Variants in TAMM41 observed in about 807,000 individuals in gnomAD.
TAMM41 encodes phosphatidate cytidylyltransferase, mitochondrial.
In TAMM41, 36 loss-of-function variants were observed where a neutral mutation model predicts 44.1. That is an observed-to-expected ratio of 0.82 (90% CI 0.63 to 1.08). The LOEUF (loss-of-function observed/expected upper bound fraction) is 1.08, where lower values mean the gene tolerates loss of function less well. Among genes scored for constraint, TAMM41 ranks in the 50% least tolerant of loss-of-function variants. TAMM41 has a pLI of 0.00. For missense variants in TAMM41, 417 were observed against 404.3 expected (o/e 1.03, Z -0.27); for synonymous variants, 164 against 153.1 (o/e 1.07, Z -0.53).
At chr3:11,807,982 T>C in intron 6 of TAMM41, 87 bp from the exon 7 acceptor site, 1 of 1,449,468 alleles carries the variant, frequency 6.9e-7, no homozygotes, top group Non-Finnish European at 9.0e-7. Context: ...AAACTAAATA[T>C]TCTTTCTAGT....
the TAMM41 span, among the ~76,000 whole-genome samples, chr3:11,750,881 G>C: frequency 6.6e-6 from 1 of 152,016 alleles, no homozygotes; most frequent in African/African-American, 2.4e-5. Context: ...GATGGGGCTC[G>C]CTCCTGTCCC....
In TAMM41 at chr3:11,807,899, C is replaced by A. The variant is rs201012206; in HGVS notation, c.875-4G>T. On this transcript the variant is annotated splice_polypyrimidine_tract_variant and splice_region_variant and intron_variant, in intron 6 of 7. Transcript: ENST00000455809. ...GGTCTCACGATTGCTGAAAGCCCTG[C>A]GAGAAAAAAACCAAAAAGGAGACCA... The A allele has an allele frequency of 3.3e-6, 5 of 1,503,146 alleles. No homozygotes were observed. Among genetic ancestry groups the A allele is most frequent in the South Asian group, 2.5e-5 (2 of 78,838 alleles). 93.1% of individuals were successfully genotyped at this position (1,503,146 alleles called of 1,614,324 possible).
At chr3:11,733,215 T>G in the TAMM41 span, among the ~76,000 whole-genome samples, 3 of 151,760 alleles carry the variant, frequency 2.0e-5, no homozygotes, top group Non-Finnish European at 4.4e-5. Flanking sequence ...GCCAGGCTGG[T>G]CTTGAACTCC....
the TAMM41 span, among the ~76,000 whole-genome samples, chr3:11,749,608 A>T: frequency 6.6e-6 from 1 of 152,202 alleles, no homozygotes; most frequent in Non-Finnish European, 1.5e-5. Flanking sequence ...GTTCAACACA[A>T]ATCAATTCCA....
intron 2 of TAMM41, among the ~76,000 whole-genome samples, chr3:11,841,957 A>G (rs1228914299): frequency 6.6e-6 from 1 of 152,224 alleles, no homozygotes; most frequent in Non-Finnish European, 1.5e-5. Flanking sequence ...ATATGGCCCA[A>G]GGGGTATGCA....
At chr3:11,732,649 T>A in the TAMM41 span, among the ~76,000 whole-genome samples, 32,751 of 152,180 alleles carry the variant, frequency 0.22, 3,807 homozygotes, top group East Asian at 0.3. Flanking sequence ...CAGAATAGCA[T>A]CACTCCAGTA....
chr3:11,799,732 G>C (rs1329098639), intron 7 of TAMM41, among the ~76,000 whole-genome samples: 1 of 152,138 alleles, frequency 6.6e-6, no homozygotes, highest in Non-Finnish European at 1.5e-5. Flanking sequence ...CCAGATACAA[G>C]AGACCCAATG....
intron 3 of TAMM41, among the ~76,000 whole-genome samples, chr3:11,838,498 G>T (rs1162833294): frequency 3.9e-5 from 6 of 152,158 alleles, no homozygotes; most frequent in Non-Finnish European, 7.4e-5. Flanking sequence ...GATTACAGGT[G>T]TGAGCCACCA....
At chr3:11,782,762 C>T in the TAMM41 span, among the ~76,000 whole-genome samples, 1 of 152,182 alleles carries the variant, frequency 6.6e-6, no homozygotes, top group Admixed American at 6.5e-5. Context: ...CTTTATTCCT[C>T]CCCACACGGT....
chr3:11,752,302 T>C, the TAMM41 span, among the ~76,000 whole-genome samples: 1 of 152,046 alleles, frequency 6.6e-6, no homozygotes, highest in Non-Finnish European at 1.5e-5. Flanking sequence ...CAAGATTTAT[T>C]GTGAAGAGCA....
the TAMM41 span, among the ~76,000 whole-genome samples, chr3:11,725,418 T>TTCA: frequency 1.1e-5 from 1 of 93,122 alleles, no homozygotes; most frequent in Non-Finnish European, 2.4e-5. Flanking sequence ...CTTCTTCTTC[T>TTCA]TCTTCTTTCC....
intron 7 of TAMM41, chr3:11,807,026 T>C (rs1559278101): frequency 3.8e-6 from 1 of 264,302 alleles, no homozygotes; most frequent in Non-Finnish European, 5.9e-6. Context: ...CTTTCAGACA[T>C]ACGTGGTCTC....
Position 11,790,508 on chromosome 3 carries a change from G to A in TAMM41, c.1011C>T (p.Ser337=), listed in dbSNP as rs1196251000. The A allele has an allele frequency of 6.2e-7, 1 of 1,613,792 alleles. No homozygotes were observed. Among genetic ancestry groups the A allele is most frequent in the Admixed American group, 1.7e-5 (1 of 59,986 alleles). Residue 337 remains serine, a synonymous_variant, in exon 8 of 8, where the codon TCC becomes TCT. Transcript: ENST00000455809. The stretch of plus-strand genomic sequence containing the variant: ...ACATATATAAAAGCAAGCAAAATCA[G>A]GATGTTTTCCTCAGCCACCCTTTCC... ...KMWKGWLRKT[S] is the part of the protein sequence containing the mutation.
At chr3:11,834,848 G>A (rs1397485021) in intron 3 of TAMM41, among the ~76,000 whole-genome samples, 3 of 152,146 alleles carry the variant, frequency 2.0e-5, no homozygotes, top group East Asian at 1.9e-4. Context: ...CACCTCGCCT[G>A]GCTAATTTTT....
chr3:11,741,002 C>T, the TAMM41 span, among the ~76,000 whole-genome samples: 5 of 142,348 alleles, frequency 3.5e-5, no homozygotes, highest in African/African-American at 1.1e-4. Context: ...GGATGGATTA[C>T]GAGGTCAGGA....
the TAMM41 span, among the ~76,000 whole-genome samples, chr3:11,733,051 T>C: frequency 6.9e-6 from 1 of 144,668 alleles, no homozygotes; most frequent in Non-Finnish European, 1.5e-5. Flanking sequence ...TAGGCTGGAG[T>C]GCAGTGGTAC....
chr3:11,846,803 C>G lies in TAMM41; in HGVS notation c.-167G>C. On this transcript the variant is annotated 5_prime_UTR_variant, in exon 1 of 8. Transcript: ENST00000455809. Reference sequence around the variant, plus strand: ...CTGCAAGCACACGCAAGGATTGGGGCGTTGGGCCACGAAGAGCAGCGGCGA... The same window carrying G: ...CTGCAAGCACACGCAAGGATTGGGGGGTTGGGCCACGAAGAGCAGCGGCGA... 1.2e-6 allele frequency: 1 copy of G among 833,152 alleles called. No individual in the cohort carries two copies. 51.6% of individuals were successfully genotyped at this position (833,152 alleles called of 1,614,324 possible). A position where few individuals can be genotyped will look rare whatever the true frequency, so the allele number is the denominator to read the frequency against.
chr3:11,772,290 C>G, the TAMM41 span, among the ~76,000 whole-genome samples: 2,734 of 148,250 alleles, frequency 0.018, 49 homozygotes, highest in Non-Finnish European at 0.027. Context: ...ACCGTGTTAG[C>G]CAGGATGGTC....
At chr3:11,732,859 T>C in the TAMM41 span, among the ~76,000 whole-genome samples, 1 of 151,812 alleles carries the variant, frequency 6.6e-6, no homozygotes, top group Admixed American at 6.6e-5. Context: ...CCATAGGAAA[T>C]AGGGGTTGGG....
Sources: allele counts gnomAD v4.1 joint callset (sites outside exome capture counted in the v4.1 genomes callset), GRCh38; gene constraint gnomAD v4.1.1; transcripts MANE v1.5; gene names NCBI Gene and HGNC (gene_info 2026-07-23, HGNC 2026-07-21).